RIPOR2: variants seen among roughly 807,000 people sequenced by gnomAD.
RIPOR2 encodes the protein rho family-interacting cell polarization regulator 2.
In RIPOR2, 39 loss-of-function variants were observed where a neutral mutation model predicts 114.5. The ratio of observed to expected loss-of-function variants is 0.34; its 90% CI spans 0.26 to 0.44. The LOEUF (loss-of-function observed/expected upper bound fraction) is 0.44, where lower values mean the gene tolerates loss of function less well. Ranked by LOEUF, RIPOR2 falls within the 20% of genes least tolerant of loss-of-function variation. The probability of loss-of-function intolerance (pLI) is 1.00; values close to 1 mark genes in which losing one functional copy is unlikely to be tolerated. For missense variants in RIPOR2, 1,007 were observed against 1,255.1 expected (o/e 0.80, Z 2.99); for synonymous variants, 445 against 484.4 (o/e 0.92, Z 1.07).
At chr6:24,995,992 C>T (rs186861432) in intron 1 of RIPOR2, among the ~76,000 whole-genome samples, 14 of 152,080 alleles carry the variant, frequency 9.2e-5, no homozygotes, top group Non-Finnish European at 1.8e-4. Context: ...TTAGTAGAGA[C>T]GAGGTTTCAC....
intron 6 of RIPOR2, among the ~76,000 whole-genome samples, chr6:24,868,852 A>C (rs1339077744): frequency 6.6e-6 from 1 of 152,194 alleles, no homozygotes; most frequent in Non-Finnish European, 1.5e-5. Context: ...TGTGCCTGTT[A>C]CTTAGCACTT....
At chr6:24,952,437 T>A (rs1772826431) in intron 1 of RIPOR2, among the ~76,000 whole-genome samples, 1 of 152,150 alleles carries the variant, frequency 6.6e-6, no homozygotes, top group African/African-American at 2.4e-5. Context: ...TGATTTGCAG[T>A]GCTTATGGAT....
At chr6:24,985,065 T>C (rs1188945353) in intron 1 of RIPOR2, among the ~76,000 whole-genome samples, 3 of 152,248 alleles carry the variant, frequency 2.0e-5, no homozygotes, top group Admixed American at 1.3e-4. Flanking sequence ...AAATGTGCCC[T>C]ATGCGCAACT....
intron 1 of RIPOR2, among the ~76,000 whole-genome samples, chr6:24,879,637 T>C (rs1253416237): frequency 6.6e-6 from 1 of 152,030 alleles, no homozygotes; most frequent in East Asian, 1.9e-4. Flanking sequence ...CAGGGTAGTG[T>C]AGAGGTATTA....
intron 1 of RIPOR2, among the ~76,000 whole-genome samples, chr6:24,931,269 A>T (rs951447475): frequency 2.0e-5 from 3 of 152,162 alleles, no homozygotes; most frequent in Non-Finnish European, 2.9e-5. Flanking sequence ...AAAAATAGGT[A>T]TTTATCCTAA....
chr6:24,974,486 C>A (rs765201443), intron 1 of RIPOR2, among the ~76,000 whole-genome samples: 6 of 152,190 alleles, frequency 3.9e-5, no homozygotes, highest in Non-Finnish European at 8.8e-5. Context: ...TCACACCCAG[C>A]AGGATGGCTA....
intron 6 of RIPOR2, among the ~76,000 whole-genome samples, chr6:24,866,435 T>C (rs1764607165): frequency 6.6e-6 from 1 of 152,134 alleles, no homozygotes; most frequent in Admixed American, 6.6e-5. Flanking sequence ...AGGCCAGGCA[T>C]GCTGCTAAAC....
At chr6:24,955,698 CAAAAAAAA>C (rs34104173) in intron 1 of RIPOR2, among the ~76,000 whole-genome samples, 19 of 134,916 alleles carry the variant, frequency 1.4e-4, no homozygotes, top group African/African-American at 4.9e-4. Flanking sequence ...GCTGCTCCTT[CAAAAAAAA>C]AAAAAAAAAA....
chr6:24,928,937 T>C (rs1227098257), intron 1 of RIPOR2, among the ~76,000 whole-genome samples: 1 of 152,258 alleles, frequency 6.6e-6, no homozygotes, highest in Non-Finnish European at 1.5e-5. Flanking sequence ...CTCACATTTA[T>C]ATTTTAAGTT....
At chr6:24,881,599 GA>G (rs1303538939) in intron 1 of RIPOR2, among the ~76,000 whole-genome samples, 1 of 152,186 alleles carries the variant, frequency 6.6e-6, no homozygotes, top group Non-Finnish European at 1.5e-5. Flanking sequence ...TTCATACAAT[GA>G]AAATCACTGC....
chr6:24,923,087 A>C (rs1355281926), intron 1 of RIPOR2, among the ~76,000 whole-genome samples: 1 of 151,930 alleles, frequency 6.6e-6, no homozygotes, highest in Non-Finnish European at 1.5e-5. Flanking sequence ...TGTTTCTATA[A>C]ATTTGATTAC....
Position 24,805,405 on chromosome 6 carries a change from T to A in RIPOR2, c.*968A>T, listed in dbSNP as rs1780711885. ...AATTATGGGAGTTTTTTGTTTTTTT[T>A]TTTGAGACTGGCTCTCATTCCTCTG... On this transcript the variant is annotated 3_prime_UTR_variant, in exon 22 of 22. Transcript: ENST00000643898. 6.6e-6 allele frequency: 1 copy of A among 151,950 alleles called. No homozygotes were observed. Among genetic ancestry groups the A allele is most frequent in the Admixed American group, 6.6e-5 (1 of 15,248 alleles). 9.4% of individuals were successfully genotyped at this position (151,950 alleles called of 1,614,324 possible).
chr6:25,024,531 T>C lies in RIPOR2; in HGVS notation c.76+17320A>G, dbSNP rs538561408. The stretch of plus-strand genomic sequence containing the variant: ...GAGTTCCCAGCGTCTGGAATCTGTC[T>C]TCAGGGTGCAGTGAACCACTCGGGC... On this transcript the variant is annotated intron_variant, in intron 1 of 13. Coordinates refer to the RIPOR2 transcript ENST00000510784. 265 of 646,664 alleles carry C rather than the reference T, an allele frequency of 4.1e-4. 2 individuals carry two copies. The highest frequency in any genetic ancestry group is 2.5e-3 in the South Asian group (159 of 64,556). 40.1% of individuals were successfully genotyped at this position (646,664 alleles called of 1,614,324 possible).
At chr6:25,027,588 C>T (rs1776691935) in intron 1 of RIPOR2, among the ~76,000 whole-genome samples, 2 of 152,228 alleles carry the variant, frequency 1.3e-5, no homozygotes, top group South Asian at 4.1e-4. Context: ...CGAGCAGGCC[C>T]CTTGGGGGAT....
At chr6:25,019,001 T>C (rs1008018722) in intron 1 of RIPOR2, among the ~76,000 whole-genome samples, 1 of 152,230 alleles carries the variant, frequency 6.6e-6, no homozygotes, top group Non-Finnish European at 1.5e-5. Flanking sequence ...ATCATCTATT[T>C]AGTTAGCTTG....
At chr6:24,973,620 T>C (rs2113554969) in intron 1 of RIPOR2, among the ~76,000 whole-genome samples, 1 of 151,548 alleles carries the variant, frequency 6.6e-6, no homozygotes, top group East Asian at 1.9e-4. Flanking sequence ...AAGTCATCCT[T>C]CTACCAAAAA....
At chr6:25,018,041 G>T (rs920508963) in intron 1 of RIPOR2, among the ~76,000 whole-genome samples, 3 of 152,232 alleles carry the variant, frequency 2.0e-5, no homozygotes, top group African/African-American at 7.2e-5. Flanking sequence ...TATCACCTAG[G>T]AAAGCCATAG....
intron 15 of RIPOR2, among the ~76,000 whole-genome samples, chr6:24,834,025 A>G (rs757293756): frequency 6.6e-6 from 1 of 152,230 alleles, no homozygotes; most frequent in Non-Finnish European, 1.5e-5. Flanking sequence ...TGTCTCGTTC[A>G]AATGGTTGGT....
intron 1 of RIPOR2, among the ~76,000 whole-genome samples, chr6:24,906,156 A>G (rs1196374471): frequency 6.6e-6 from 1 of 152,176 alleles, no homozygotes; most frequent in Non-Finnish European, 1.5e-5. Flanking sequence ...TCCTTGCAAG[A>G]CATGCCTTTT....
Sources: allele counts gnomAD v4.1 joint callset (sites outside exome capture counted in the v4.1 genomes callset), GRCh38; gene constraint gnomAD v4.1.1; transcripts MANE v1.5; gene names NCBI Gene and HGNC (gene_info 2026-07-23, HGNC 2026-07-21).